Variants in TRAF7 observed in about 807,000 individuals in gnomAD.
The protein encoded by TRAF7 is E3 ubiquitin-protein ligase TRAF7.
In TRAF7, 45 loss-of-function variants were observed where a neutral mutation model predicts 89.3. That is an observed-to-expected ratio of 0.50 (90% CI 0.40 to 0.65). The LOEUF (loss-of-function observed/expected upper bound fraction) is 0.65, where lower values mean the gene tolerates loss of function less well. Among genes scored for constraint, TRAF7 ranks in the 30% least tolerant of loss-of-function variants. The pLI, the probability that TRAF7 is intolerant of heterozygous loss-of-function variation, is 0.00. For missense variants in TRAF7, 677 were observed against 918.1 expected (o/e 0.74, Z 3.39); for synonymous variants, 406 against 369.2 (o/e 1.10, Z -1.14).
At chr16:2,171,015 C>T (rs895102835) in intron 5 of TRAF7, among the ~76,000 whole-genome samples, 7 of 152,224 alleles carry the variant, frequency 4.6e-5, no homozygotes, top group African/African-American at 9.6e-5. Flanking sequence ...AGGAAGGAGG[C>T]GGGCGAGGGC....
chr16:2,174,434 G>A (rs1253824384), intron 14 of TRAF7, 101 bp downstream of exon 14: 3 of 1,181,392 alleles, frequency 2.5e-6, no homozygotes, highest in Non-Finnish European at 3.6e-6. Flanking sequence ...GTGTAGCTAT[G>A]TGTGTGCCCC....
In TRAF7 at chr16:2,170,555, C is replaced by T. The variant is rs796143308; in HGVS notation, c.232-59C>T. On this transcript the variant is annotated intron_variant, in intron 4 of 20. Coordinates refer to ENST00000326181, the MANE Select transcript of TRAF7 (RefSeq NM_032271.3). ...CGCTTCCGCCGGGCTGGGTCCTGTC[C>T]TCCCCGAGGCTCTGACCCCGTGCGG... 38 of 1,367,168 alleles carry T rather than the reference C, an allele frequency of 2.8e-5. 1 individual carries two copies. In the African/African-American group the frequency reaches 5.3e-4, roughly 19 times the overall value. The allele number at this position is 1,367,168 out of a possible 1,614,324, so 84.7% of individuals were successfully genotyped here.
chr16:2,172,774 G>T (rs1434200003), intron 9 of TRAF7, among the ~76,000 whole-genome samples, 175 bp downstream of exon 9: 1 of 152,148 alleles, frequency 6.6e-6, no homozygotes, highest in Non-Finnish European at 1.5e-5. Context: ...AGCCGAGGGC[G>T]TCCAGGAAGG....
At chr16:2,166,316 A>C (rs776792965) in intron 3 of TRAF7, among the ~76,000 whole-genome samples, 2 of 152,084 alleles carry the variant, frequency 1.3e-5, no homozygotes, top group South Asian at 2.1e-4. Flanking sequence ...GTGTGCCCGG[A>C]GGTCTTCTCT....
rs902598756 is a variant in TRAF7 at position 2,162,021 on chromosome 16, G to A, written c.-38-1862G>A. On this transcript the variant is annotated intron_variant, in intron 1 of 20. Transcript: ENST00000326181. This position sits in a 1 kb window ranked among gnomAD's most constrained non-coding sequence, Gnocchi z 5.0. Reference sequence around the variant, plus strand: ...TGGGTCACACAGGGCCAAGCCCCTCGAGTCGCAGTGGGGCCTGGGGAAGGC... The same window carrying A: ...TGGGTCACACAGGGCCAAGCCCCTCAAGTCGCAGTGGGGCCTGGGGAAGGC... 2.6e-5 allele frequency among the ~76,000 whole-genome samples: 4 copies of A among 152,166 alleles called. No individual in the cohort carries two copies. The highest frequency in any genetic ancestry group is 9.7e-5 in the African/African-American group (4 of 41,440).
At chr16:2,171,736 C>A in intron 7 of TRAF7, 131 bp downstream of exon 7, 1 of 1,383,774 alleles carries the variant, frequency 7.2e-7, no homozygotes. Flanking sequence ...TGGGATGGGG[C>A]TGCAGCCGTC....
Position 2,173,836 on chromosome 16 carries a change from T to A in TRAF7, c.1135T>A (p.Ser379Thr). ...GCGGCTGAACATGGGCATCCTAGGCTGTGAGTATGGACCCGCCGTGGCTCC... is the reference window on the plus strand; with the variant it reads ...GCGGCTGAACATGGGCATCCTAGGCAGTGAGTATGGACCCGCCGTGGCTCC... ...NARLNMGILG[S>T]YDPQQIFKCK... The change falls in exon 12 of 21, where the codon TCC (serine) becomes ACC (threonine). Residue 379 changes from serine (S) to threonine (T), a missense_variant and splice_region_variant. Ser to Thr is a moderately conservative substitution (Grantham distance 58). Transcript: ENST00000326181. The A allele has an allele frequency of 6.2e-7, 1 of 1,611,176 alleles. No homozygotes were observed. Among genetic ancestry groups the A allele is most frequent in the Non-Finnish European group, 8.5e-7 (1 of 1,179,880 alleles).
At chr16:2,164,155 T>G (rs568927829) in intron 2 of TRAF7, among the ~76,000 whole-genome samples, 154 bp downstream of exon 2, 3 of 130,538 alleles carry the variant, frequency 2.3e-5, no homozygotes, top group South Asian at 4.9e-4. Flanking sequence ...TGTGTGTGTG[T>G]GTGTGCGCGC....
chr16:2,175,440 C>T (rs1182863937), intron 16 of TRAF7, 23 bp downstream of exon 16: 19 of 1,612,536 alleles, frequency 1.2e-5, no homozygotes, highest in South Asian at 7.7e-5. Context: ...GCTGTGCCTA[C>T]GTGTGTGTCA....
rs1368318389 is a variant in TRAF7 at position 2,172,393 on chromosome 16, GC to G, written c.659+20del. 6.2e-7 allele frequency: 1 copy of G among 1,611,334 alleles called. No homozygotes were observed. The highest frequency in any genetic ancestry group is 2.2e-5 in the East Asian group (1 of 44,814). On this transcript the variant is annotated intron_variant, in intron 8 of 20. Transcript: ENST00000326181. ...CCCGGAAGTAAGTGCCCCTCCCTGG[GC>G]ACCTCTGCCTCCCTGGGGGCTGCTT...
At chr16:2,175,711 C>A (rs1361930065) in intron 17 of TRAF7, 89 bp downstream of exon 17, 4 of 1,588,690 alleles carry the variant, frequency 2.5e-6, no homozygotes, top group Non-Finnish European at 3.4e-6. Context: ...TGCCCTGTTC[C>A]TACCTTCGCA....
intron 12 of TRAF7, 23 bp downstream of exon 12, chr16:2,173,859 T>TGGGGCGCCCCCCCC: frequency 4.8e-6 from 6 of 1,246,208 alleles, no homozygotes; most frequent in Non-Finnish European, 6.6e-6. Flanking sequence ...CCGCCGTGGC[T>TGGGGCGCCCCCCCC]CCCGCCCACC....
chr16:2,172,139 A>C (rs2093114316), intron 7 of TRAF7, 52 bp from the exon 8 acceptor site: 1 of 1,605,224 alleles, frequency 6.2e-7, no homozygotes, highest in African/African-American at 1.3e-5. Flanking sequence ...CACCCGGGTG[A>C]GGGAGCGTGT....
Position 2,165,914 on chromosome 16 carries a change from A to G in TRAF7, c.117A>G (p.Ser39=), listed in dbSNP as rs149538546. The G allele has an allele frequency of 1.0e-4, 168 of 1,614,098 alleles. No homozygotes were observed. In the African/African-American group the frequency reaches 1.5e-3, roughly 14 times the overall value. The part of the protein sequence containing the change: ...RMETTFGPAF[S]AVTTITKADG... Reference sequence around the variant, plus strand: ...AAACGACCTTCGGACCCGCCTTTTCAGCCGTCACCACCATCACAAAAGGTG... The same window carrying G: ...AAACGACCTTCGGACCCGCCTTTTCGGCCGTCACCACCATCACAAAAGGTG... The change falls in exon 3 of 21, where the codon TCA becomes TCG. Residue 39 remains serine, a synonymous_variant. Transcript: ENST00000326181.
chr16:2,162,275 C>T lies in TRAF7; in HGVS notation c.-38-1608C>T, dbSNP rs140464367. On this transcript the variant is annotated intron_variant, in intron 1 of 20. Transcript: ENST00000326181. This position sits in a 1 kb window ranked among gnomAD's most constrained non-coding sequence, Gnocchi z 5.0. ...GAGAGGAGACAGCAGGAGTGGTAGA[C>T]AGCCCAGGAGCTCAGGTGCAGGGAA... Among the ~76,000 whole-genome samples the T allele has an allele frequency of 0.015, 2,357 of 152,276 alleles. 58 individuals are homozygous for T. Among genetic ancestry groups the T allele is most frequent in the African/African-American group, 0.054 (2,233 of 41,572 alleles).
chr16:2,168,184 C>T lies in TRAF7; in HGVS notation c.231+16C>T, dbSNP rs567590633. 4.4e-6 allele frequency: 7 copies of T among 1,597,908 alleles called. No individual in the cohort carries two copies. Among genetic ancestry groups the T allele is most frequent in the Middle Eastern group, 3.4e-4 (2 of 5,852 alleles). Reference sequence around the variant, plus strand: ...GGACAGCATGGTAGGTCCCTACCCCCAGGAGCCCGTGTGAGCCTCAGCCTC... The same window carrying T: ...GGACAGCATGGTAGGTCCCTACCCCTAGGAGCCCGTGTGAGCCTCAGCCTC... On this transcript the variant is annotated intron_variant, in intron 4 of 20. Coordinates refer to ENST00000326181, the MANE Select transcript of TRAF7 (RefSeq NM_032271.3). This position sits in a 1 kb window ranked among gnomAD's most constrained non-coding sequence, Gnocchi z 4.1.
rs781530832 is a variant in TRAF7 at position 2,172,340 on chromosome 16, G to A, written c.625G>A (p.Gly209Arg). Reference protein sequence around the residue: ...KPPIFEVDPRGCPFTIKLSAR... With the variant: ...KPPIFEVDPRRCPFTIKLSAR... ...CCCCATCTTTGAGGTGGACCCCCGA[G>A]GGTGCCCCTTCACCATCAAGCTCAG... The change falls in exon 8 of 21, where the codon GGG becomes AGG. Residue 209 changes from glycine (G) to arginine (R), a missense_variant. By Grantham distance (125) the Gly-to-Arg change is moderately radical. This residue lies in a region of TRAF7 where 238 missense variants were observed against 352.6 expected (regional missense o/e 0.67). Coordinates refer to ENST00000326181, the MANE Select transcript of TRAF7 (RefSeq NM_032271.3). 3.8e-5 allele frequency: 62 copies of A among 1,612,152 alleles called. 1 individual carries two copies. The highest frequency in any genetic ancestry group is 5.0e-5 in the Non-Finnish European group (59 of 1,179,890).
chr16:2,158,281 T>C lies in TRAF7; in HGVS notation c.-39+2423T>C, dbSNP rs1053188910. Among the ~76,000 whole-genome samples the C allele has an allele frequency of 1.3e-5, 2 of 152,146 alleles. No homozygotes were observed. The highest frequency in any genetic ancestry group is 2.9e-5 in the Non-Finnish European group (2 of 68,018). Reference sequence around the variant, plus strand: ...TGTGGAGAGGGACCCACCAACCCCTTAGTCTTTGACAGATCCGCTGCTGTC... The same window carrying C: ...TGTGGAGAGGGACCCACCAACCCCTCAGTCTTTGACAGATCCGCTGCTGTC... On this transcript the variant is annotated intron_variant, in intron 1 of 20. Coordinates refer to ENST00000326181, the MANE Select transcript of TRAF7 (RefSeq NM_032271.3). This position sits in a 1 kb window ranked among gnomAD's most constrained non-coding sequence, Gnocchi z 4.7.
At chr16:2,160,805 C>A (rs554952037) in intron 1 of TRAF7, among the ~76,000 whole-genome samples, 2 of 152,060 alleles carry the variant, frequency 1.3e-5, no homozygotes, top group Non-Finnish European at 2.9e-5. Flanking sequence ...CCGGCCACCC[C>A]CCAGCCTCGA....
Sources: gnomAD v4.1 joint callset for allele counts (sites outside exome capture counted in the v4.1 genomes callset) on GRCh38, gnomAD v4.1.1 for gene constraint, gnomAD v4.1.1 regional missense constraint, Gnocchi (gnomAD v3.1) non-coding constraint, MANE v1.5 for transcripts, NCBI Gene and HGNC (gene_info 2026-07-23, HGNC 2026-07-21) for gene names.